Variants in BPIFB4 observed in about 807,000 individuals in gnomAD.
The protein encoded by BPIFB4 is BPI fold-containing family B member 4.
BPIFB4 carries 62 observed loss-of-function variants against 69.2 expected under a neutral mutation model. That is an observed-to-expected ratio of 0.90 (90% CI 0.73 to 1.11). The LOEUF (loss-of-function observed/expected upper bound fraction) is 1.11, where lower values mean the gene tolerates loss of function less well. Ranked by LOEUF, BPIFB4 falls within the 50% of genes least tolerant of loss-of-function variation. The pLI is 0.00. For missense variants in BPIFB4, 789 were observed against 792.0 expected (o/e 1.00, Z 0.04); for synonymous variants, 330 against 332.7 (o/e 0.99, Z 0.09).
intron 16 of BPIFB4, among the ~76,000 whole-genome samples, chr20:33,106,984 G>T (rs2424964): frequency 0.34 from 51,614 of 151,872 alleles, 8,922 homozygotes; most frequent in Middle Eastern, 0.39. Context: ...GGCGGGTGGA[G>T]CACGAGGTCA....
rs559152375 is a variant in BPIFB4 at position 33,095,523 on chromosome 20, G to A, written c.1398+370G>A. 3.9e-5 allele frequency among the ~76,000 whole-genome samples: 6 copies of A among 152,282 alleles called. No individual in the cohort carries two copies. The South Asian group carries it at 6.2e-4, about 16-fold the overall frequency. On this transcript the variant is annotated intron_variant, in intron 12 of 17. Coordinates refer to ENST00000375483, the MANE Select transcript of BPIFB4 (RefSeq NM_182519.3). ...CTATTCCATAGGTTATCATAGGAAG[G>A]TAAATGAGATGATGCATGTAAAGGT... is the stretch of plus-strand genomic sequence containing the variant.
Position 33,084,872 on chromosome 20 carries a change from C to G in BPIFB4, c.678-20C>G. ...GTAGTTGGGGTGGCCGGCCTTCTCA[C>G]CACTCTGTGTCCCGAGCAGGCTGCG... On this transcript the variant is annotated intron_variant, in intron 5 of 17. Transcript: ENST00000375483. 6.2e-7 allele frequency: 1 copy of G among 1,602,562 alleles called. No individual in the cohort carries two copies. The highest frequency in any genetic ancestry group is 8.5e-7 in the Non-Finnish European group (1 of 1,179,252).
rs961629095 is a variant in BPIFB4 at position 33,097,659 on chromosome 20, A to G, written c.1441A>G (p.Ile481Val). 11 of 1,614,130 alleles carry G rather than the reference A, an allele frequency of 6.8e-6. No individual in the cohort carries two copies. The highest frequency in any genetic ancestry group is 1.7e-4 in the Middle Eastern group (1 of 6,060). The change falls in exon 13 of 18, where the codon ATC becomes GTC. Residue 481 changes from isoleucine to valine, a missense_variant. Around this residue, in one of 3 missense-constraint regions of BPIFB4, gnomAD observed 170 missense variants for 193.6 expected, o/e 0.88. Coordinates refer to ENST00000375483, the MANE Select transcript of BPIFB4 (RefSeq NM_182519.3). ...CGAGTCCTGCCCACTTATCATCAGG[A>G]TCCAGGTGCTGAACCCACCATCTGT... ...YPESCPLIIR[I>V]QVLNPPSVML... is the part of the protein sequence containing the mutation.
In BPIFB4 at chr20:33,082,879, G is replaced by A. The variant is rs374218539; in HGVS notation, c.107-59G>A. ...TGAGCAACACTGCGAGGTGCTGCCT[G>A]GGGGCTGGAGGTGGAAAAAAGGGAG... On this transcript the variant is annotated intron_variant, in intron 3 of 17. Coordinates refer to ENST00000375483, the MANE Select transcript of BPIFB4 (RefSeq NM_182519.3). The A allele has an allele frequency of 8.9e-5, 135 of 1,520,052 alleles. No individual in the cohort carries two copies. In the African/African-American group the frequency reaches 1.6e-3, roughly 18 times the overall value. 94.2% of individuals were successfully genotyped at this position (1,520,052 alleles called of 1,614,324 possible). A position where few individuals can be genotyped will look rare whatever the true frequency, so the allele number is the denominator to read the frequency against.
chr20:33,107,967 G>T, intron 17 of BPIFB4, 147 bp downstream of exon 17: 1 of 696,588 alleles, frequency 1.4e-6, no homozygotes, highest in Non-Finnish European at 2.5e-6. Flanking sequence ...CAAGCATGGG[G>T]CTGAGGGAAC....
Position 33,084,973 on chromosome 20 carries a change from C to T in BPIFB4, c.759C>T (p.Thr253=), listed in dbSNP as rs1981377418. Residue 253 remains threonine, a synonymous_variant, in exon 6 of 18, where the codon ACC becomes ACT. Coordinates refer to ENST00000375483, the MANE Select transcript of BPIFB4 (RefSeq NM_182519.3). Reference sequence around the variant, plus strand: ...TGGGTGTCTACCTGAGCTTGTACACCCGTGTGGCCATCAACGGGAAGAGGT... The same window carrying T: ...TGGGTGTCTACCTGAGCTTGTACACTCGTGTGGCCATCAACGGGAAGAGGT... ...PGVGVYLSLY[T]RVAINGKSLI... 1 of 1,612,048 alleles carries T rather than the reference C, an allele frequency of 6.2e-7. No individual in the cohort carries two copies. Among genetic ancestry groups the T allele is most frequent in the African/African-American group, 1.3e-5 (1 of 74,918 alleles).
chr20:33,091,162 G>A (rs558091224), intron 10 of BPIFB4, among the ~76,000 whole-genome samples: 10 of 152,290 alleles, frequency 6.6e-5, no homozygotes, highest in Admixed American at 3.9e-4. Flanking sequence ...CCAGGCAATC[G>A]AGCTACTAGG....
rs150075719 is a variant in BPIFB4, at chr20:33,111,307, T to G, written c.1822-107T>G. 2,061 of 1,452,484 alleles carry G rather than the reference T, an allele frequency of 1.4e-3. 17 individuals carry two copies. Among genetic ancestry groups the G allele is most frequent in the Middle Eastern group, 7.5e-3 (43 of 5,766 alleles). 90.0% of individuals were successfully genotyped at this position (1,452,484 alleles called of 1,614,324 possible). On this transcript the variant is annotated intron_variant, in intron 17 of 17. Coordinates refer to ENST00000375483, the MANE Select transcript of BPIFB4 (RefSeq NM_182519.3). ...CCCCTTTATCTCCGCTGTTCAGAGTTACTGCTTCCTAGAAACATGACCGGC... is the reference window on the plus strand; with the variant it reads ...CCCCTTTATCTCCGCTGTTCAGAGTGACTGCTTCCTAGAAACATGACCGGC...
chr20:33,099,264 C>G (rs1981841034), intron 13 of BPIFB4, among the ~76,000 whole-genome samples: 1 of 152,126 alleles, frequency 6.6e-6, no homozygotes, highest in Admixed American at 6.5e-5. Flanking sequence ...ATTAGGTGCT[C>G]TAGGCTGGAG....
intron 17 of BPIFB4, among the ~76,000 whole-genome samples, chr20:33,109,165 G>A (rs989561103): frequency 1.3e-5 from 2 of 152,140 alleles, no homozygotes; most frequent in Admixed American, 6.5e-5. Flanking sequence ...AATGGGGAAC[G>A]ATAATGGCCA....
chr20:33,098,358 A>G (rs188562350), intron 13 of BPIFB4, among the ~76,000 whole-genome samples: 4 of 152,306 alleles, frequency 2.6e-5, no homozygotes, highest in Admixed American at 2.6e-4. Flanking sequence ...AACGAGACAG[A>G]TGGTGCCTGC....
At chr20:33,087,468 G>A (rs1361047823) in intron 7 of BPIFB4, among the ~76,000 whole-genome samples, 1 of 152,058 alleles carries the variant, frequency 6.6e-6, no homozygotes, top group Non-Finnish European at 1.5e-5. Context: ...AACATCGAGA[G>A]CTTCCTTGTT....
At chr20:33,100,341 T>A in intron 13 of BPIFB4, 85 bp from the exon 14 acceptor site, 1 of 1,191,020 alleles carries the variant, frequency 8.4e-7, no homozygotes, top group Non-Finnish European at 1.2e-6. Flanking sequence ...AAGCCCTAGC[T>A]AGCACTGGGC....
rs764993832 is a variant in BPIFB4 at position 33,084,875 on chromosome 20, C to A, written c.678-17C>A. The A allele has an allele frequency of 6.2e-7, 1 of 1,603,450 alleles. No homozygotes were observed. Among genetic ancestry groups the A allele is most frequent in the Non-Finnish European group, 8.5e-7 (1 of 1,179,508 alleles). On this transcript the variant is annotated splice_polypyrimidine_tract_variant and intron_variant, in intron 5 of 17. Transcript: ENST00000375483. ...GTTGGGGTGGCCGGCCTTCTCACCACTCTGTGTCCCGAGCAGGCTGCGTAT... is the reference window on the plus strand; with the variant it reads ...GTTGGGGTGGCCGGCCTTCTCACCAATCTGTGTCCCGAGCAGGCTGCGTAT...
Position 33,103,006 on chromosome 20 carries a change from A to G in BPIFB4, c.1672A>G (p.Asn558Asp). Residue 558 changes from asparagine (N) to aspartate (D), a missense_variant, in exon 15 of 18, where the codon AAC becomes GAC. Physicochemically the swap from Asn to Asp is conservative, Grantham distance 23. Transcript: ENST00000375483. ...CAACCTCAGAACCTCAAACGTGGGC[A>G]ACTTTGATGTAAGTACCATGTTTAG... ...SLNLRTSNVG[N>D]FDIGLMEVLV... 1 of 1,614,050 alleles carries G rather than the reference A, an allele frequency of 6.2e-7. No individual in the cohort carries two copies. Among genetic ancestry groups the G allele is most frequent in the Non-Finnish European group, 8.5e-7 (1 of 1,179,918 alleles).
At chr20:33,082,903 A>C in intron 3 of BPIFB4, 35 bp from the exon 4 acceptor site, 1 of 1,590,318 alleles carries the variant, frequency 6.3e-7, no homozygotes, top group Non-Finnish European at 8.6e-7. Flanking sequence ...GAAAAAAGGG[A>C]GGAACCCTGG....
At chr20:33,080,961 G>A (rs772937379) in intron 2 of BPIFB4, among the ~76,000 whole-genome samples, 2 of 152,210 alleles carry the variant, frequency 1.3e-5, no homozygotes, top group South Asian at 2.1e-4. Flanking sequence ...TTGGTTGGAT[G>A]GATGGTTGGT....
chr20:33,097,042 G>A lies in BPIFB4; in HGVS notation c.1399-575G>A, dbSNP rs536626275. On this transcript the variant is annotated intron_variant, in intron 12 of 17. Coordinates refer to ENST00000375483, the MANE Select transcript of BPIFB4 (RefSeq NM_182519.3). ...CAAGTCCCTCCAGCAATCCGGGCTC[G>A]GGGGCAGCCTGTGCCTTGCCTGGGA... Among the ~76,000 whole-genome samples the A allele has an allele frequency of 2.6e-5, 4 of 152,280 alleles. No homozygotes were observed. The East Asian group carries it at 7.7e-4, about 29-fold the overall frequency.
chr20:33,084,651 A>T (rs1178084766), intron 5 of BPIFB4, among the ~76,000 whole-genome samples: 1 of 152,224 alleles, frequency 6.6e-6, no homozygotes, highest in African/African-American at 2.4e-5. Context: ...TGCAGAAAAG[A>T]TTCAAAGGAA....
Sources: gnomAD v4.1 joint callset for allele counts (sites outside exome capture counted in the v4.1 genomes callset) on GRCh38, gnomAD v4.1.1 for gene constraint, gnomAD v4.1.1 regional missense constraint, MANE v1.5 for transcripts, NCBI Gene and HGNC (gene_info 2026-07-23, HGNC 2026-07-21) for gene names.